Variants in ASIP observed in about 807,000 individuals in gnomAD.
ASIP encodes agouti signaling protein, also known as agouti-signaling protein.
A neutral mutation model predicts 10.3 loss-of-function variants in ASIP; 11 were observed. The observed-to-expected ratio is 1.07, with a 90% CI of 0.68 to 1.78. The LOEUF is 1.78. ASIP is among the 40% of genes most tolerant of loss of function. The pLI, the probability that ASIP is intolerant of heterozygous loss-of-function variation, is 0.00. For synonymous variants in ASIP, 70 were observed against 70.8 expected (o/e 0.99, Z 0.06); for missense variants, 180 against 169.2 (o/e 1.06, Z -0.35).
chr20:34,252,764 G>T (rs555451285), intron 1 of ASIP, among the ~76,000 whole-genome samples: 3 of 152,140 alleles, frequency 2.0e-5, no homozygotes, highest in East Asian at 1.9e-4. Flanking sequence ...CTGTCTCAGT[G>T]GGGGGAAACC....
chr20:34,250,192 C>A (rs1269423717), intron 1 of ASIP: 1 of 152,302 alleles, frequency 6.6e-6, no homozygotes, highest in Non-Finnish European at 1.5e-5. Context: ...CCCTCCAATG[C>A]CAGCTTGCTG....
At chr20:34,243,784 G>C (rs2035322133) in intron 1 of ASIP, among the ~76,000 whole-genome samples, 1 of 147,294 alleles carries the variant, frequency 6.8e-6, no homozygotes, top group Admixed American at 6.8e-5. Flanking sequence ...AAACTGTCTC[G>C]CCGGGCGCGG....
intron 1 of ASIP, among the ~76,000 whole-genome samples, chr20:34,223,612 G>C (rs1419789001): frequency 1.2e-4 from 16 of 136,854 alleles, no homozygotes; most frequent in Admixed American, 9.8e-4. Context: ...TCAGCCCCCC[G>C]CCCGGCCAGC....
At chr20:34,258,692 C>CATAA (rs1568768704) in intron 1 of ASIP, among the ~76,000 whole-genome samples, 1 of 11,140 alleles carries the variant, frequency 9.0e-5, no homozygotes, top group South Asian at 3.9e-3. Context: ...TATATATATA[C>CATAA]ATACTATATA....
At chr20:34,223,702 C>A (rs1248516706) in intron 1 of ASIP, among the ~76,000 whole-genome samples, 15 of 143,498 alleles carry the variant, frequency 1.0e-4, no homozygotes, top group Non-Finnish European at 2.0e-4. Flanking sequence ...CCGGCCACCA[C>A]CCCGTCTGGG....
chr20:34,201,005 C>T (rs956878202), intron 1 of ASIP, among the ~76,000 whole-genome samples: 3,202 of 60,854 alleles, frequency 0.053, 186 homozygotes, highest in African/African-American at 0.18. Flanking sequence ...TCCTTCCTTC[C>T]TTCCTTCCTT....
In ASIP at chr20:34,258,700, A is replaced by ATATACACACACATAC; in HGVS notation, c.-10-1661_-10-1660insCACACACATACTATA. On this transcript the variant is annotated intron_variant, in intron 1 of 3. Coordinates refer to ENST00000374954, the MANE Select transcript of ASIP (RefSeq NM_001672.3). ...ATATATATATATATATACATACTATATATATATATTATATATATTATAAAA... is the reference window on the plus strand; with the variant it reads ...ATATATATATATATATACATACTATATATACACACACATACTATATATATTATATATATTATAAAA... Among the ~76,000 whole-genome samples the ATATACACACACATAC allele has an allele frequency of 2.6e-5, 2 of 77,922 alleles. 1 individual carries two copies. The highest frequency in any genetic ancestry group is 4.8e-5 in the Non-Finnish European group (2 of 41,376). The allele number at this position is 77,922 out of a possible 152,430, so 51.1% of individuals were successfully genotyped here. A position where few individuals can be genotyped will look rare whatever the true frequency, so the allele number is the denominator to read the frequency against.
intron 3 of ASIP, among the ~76,000 whole-genome samples, chr20:34,264,890 G>A (rs968445788): frequency 1.4e-5 from 2 of 147,368 alleles, no homozygotes; most frequent in African/African-American, 5.1e-5. Flanking sequence ...CAACCTCCCA[G>A]GCTCAAGTGA....
At chr20:34,213,657 T>C in intron 1 of ASIP, 2 of 1,561,426 alleles carry the variant, frequency 1.3e-6, no homozygotes, top group Non-Finnish European at 1.8e-6. Flanking sequence ...GGAGGTCTTT[T>C]GCTTCACAAT....
intron 3 of ASIP, among the ~76,000 whole-genome samples, chr20:34,268,356 C>A (rs1308094959): frequency 6.6e-6 from 1 of 152,026 alleles, no homozygotes; most frequent in Non-Finnish European, 1.5e-5. Context: ...TAACAGGGGT[C>A]GGAGAGGCAA....
intron 3 of ASIP, among the ~76,000 whole-genome samples, chr20:34,266,629 C>CA (rs780355523): frequency 1.3e-5 from 2 of 148,574 alleles, no homozygotes; most frequent in Non-Finnish European, 3.0e-5. Flanking sequence ...GCCGAGATGG[C>CA]ACCACTACAC....
In ASIP at chr20:34,265,421, G is replaced by A. The variant is rs528650438; in HGVS notation, c.222+2528G>A. On this transcript the variant is annotated intron_variant, in intron 3 of 3. Coordinates refer to ENST00000374954, the MANE Select transcript of ASIP (RefSeq NM_001672.3). ...CTCCTGTAGTCCCAGATACTCAGGAGGCTGAAGTAGGAGAATCGCTTGAGC... is the reference window on the plus strand; with the variant it reads ...CTCCTGTAGTCCCAGATACTCAGGAAGCTGAAGTAGGAGAATCGCTTGAGC... 3.3e-5 allele frequency among the ~76,000 whole-genome samples: 5 copies of A among 152,264 alleles called. No individual in the cohort carries two copies. In the East Asian group the frequency reaches 9.7e-4, roughly 29 times the overall value.
chr20:34,226,245 A>G (rs1424367202), intron 1 of ASIP, among the ~76,000 whole-genome samples: 1 of 152,186 alleles, frequency 6.6e-6, no homozygotes, highest in Non-Finnish European at 1.5e-5. Context: ...GCTTACCATT[A>G]TTGTCCATGT....
At chr20:34,246,684 C>G (rs958410636) in intron 1 of ASIP, 6 of 470,640 alleles carry the variant, frequency 1.3e-5, no homozygotes, top group Admixed American at 2.9e-5. Context: ...TCTTGAACTC[C>G]TGACCTCAAG....
chr20:34,214,119 C>T (rs1187340249), intron 1 of ASIP: 2 of 1,126,782 alleles, frequency 1.8e-6, no homozygotes, highest in East Asian at 2.3e-5. Flanking sequence ...GGACTGGTGG[C>T]CATTCTCAGG....
chr20:34,252,174 A>G lies in ASIP; in HGVS notation c.-10-8191A>G, dbSNP rs561653004. On this transcript the variant is annotated intron_variant, in intron 1 of 3. Coordinates refer to ENST00000374954, the MANE Select transcript of ASIP (RefSeq NM_001672.3). ...TCATCAGGTGGGACGAGAGACTGAG[A>G]AAAGAAATAAGACACAGAGACAAAG... is the stretch of plus-strand genomic sequence containing the variant. Among the ~76,000 whole-genome samples, 45 of 152,340 alleles carry G rather than the reference A, an allele frequency of 3.0e-4. No homozygotes were observed. In the East Asian group the frequency reaches 8.1e-3, roughly 27 times the overall value.
At chr20:34,205,463 G>C (rs576075537) in intron 1 of ASIP, among the ~76,000 whole-genome samples, 1 of 151,494 alleles carries the variant, frequency 6.6e-6, no homozygotes, top group Non-Finnish European at 1.5e-5. Context: ...AGACCTTCTC[G>C]GTGAGTGTTA....
intron 1 of ASIP, among the ~76,000 whole-genome samples, chr20:34,213,243 T>C (rs1172611786): frequency 6.6e-6 from 1 of 152,228 alleles, no homozygotes; most frequent in East Asian, 1.9e-4. Context: ...AAAAAGGCCC[T>C]CACCAGATGC....
intron 1 of ASIP, among the ~76,000 whole-genome samples, chr20:34,251,975 G>C (rs1029436074): frequency 2.6e-5 from 4 of 152,198 alleles, no homozygotes; most frequent in Non-Finnish European, 5.9e-5. Flanking sequence ...TTTTGTTATA[G>C]TCACCTAAAC....
Sources: gnomAD v4.1 joint callset for allele counts (sites outside exome capture counted in the v4.1 genomes callset) on GRCh38, gnomAD v4.1.1 for gene constraint, MANE v1.5 for transcripts, NCBI Gene and HGNC (gene_info 2026-07-23, HGNC 2026-07-21) for gene names.